Variants in NDE1 observed in about 807,000 individuals in gnomAD.
The protein encoded by NDE1 is nuclear distribution protein nudE homolog 1.
In NDE1, 28 loss-of-function variants were observed where a neutral mutation model predicts 43.4. The observed-to-expected ratio is 0.65, with a 90% CI of 0.48 to 0.89. The LOEUF is 0.89. NDE1 is among the 40% of genes least tolerant of loss of function. The pLI, the probability that NDE1 is intolerant of heterozygous loss-of-function variation, is 0.00. For missense variants in NDE1, 441 were observed against 434.1 expected, an observed-to-expected ratio of 1.02 and a Z score of -0.14; for synonymous variants, 184 against 172.0, an observed-to-expected ratio of 1.07 and a Z score of -0.55.
At position 15,677,651 on chromosome 16, in the gene NDE1, A is replaced by G. The variant is rs2037953909; in HGVS notation, c.238-150A>G. ...CAGGCTGGAGTGGAGTGTTACAGTC[A>G]TAGCTCACTGCAGCCTCTAACTCCT... is the stretch of plus-strand genomic sequence containing the variant. On this transcript the variant is annotated intron_variant, in intron 3 of 8. Coordinates refer to ENST00000396354, the MANE Select transcript of NDE1 (RefSeq NM_017668.3). The G allele has an allele frequency of 3.9e-6, 3 of 776,552 alleles. No homozygotes were observed. The African/African-American group carries it at 5.1e-5, about 13-fold the overall frequency. The allele number at this position is 776,552 out of a possible 1,614,324, so 48.1% of individuals were successfully genotyped here.
chr16:15,716,318 T>C (rs1229790243), intron 8 of NDE1, among the ~76,000 whole-genome samples: 1 of 152,158 alleles, frequency 6.6e-6, no homozygotes. Flanking sequence ...TGAATAGCCC[T>C]TGAATTATAC....
At chr16:15,712,809 TAGTGTCACCCATG>T (rs1250518104) in intron 8 of NDE1, 1 of 150,194 alleles carries the variant, frequency 6.7e-6, no homozygotes, top group Non-Finnish European at 1.5e-5. Context: ...CTCTGGCCAT[TAGTGTCACCCATG>T]GGAGGCTTCT....
chr16:15,710,186 G>A (rs2039699817), intron 8 of NDE1, among the ~76,000 whole-genome samples: 1 of 152,198 alleles, frequency 6.6e-6, no homozygotes. Context: ...AGGCTCAAGT[G>A]TCTGGGGCAG....
In NDE1 at chr16:15,724,444, G is replaced by A. The variant is rs745426392; in HGVS notation, c.*193G>A. 9 of 1,612,414 alleles carry A rather than the reference G, an allele frequency of 5.6e-6. No homozygotes were observed. The Admixed American group carries it at 6.7e-5, about 12-fold the overall frequency. Reference sequence around the variant, plus strand: ...CAGCGTCCAGGGTAGGGTGAGAGGGGGACCATGAGTGGCCCCTGTCCCTGG... The same window carrying A: ...CAGCGTCCAGGGTAGGGTGAGAGGGAGACCATGAGTGGCCCCTGTCCCTGG... On this transcript the variant is annotated 3_prime_UTR_variant, in exon 9 of 9. Coordinates refer to ENST00000396354, the MANE Select transcript of NDE1 (RefSeq NM_017668.3).
intron 8 of NDE1, chr16:15,721,702 C>T (rs968946577): frequency 1.7e-5 from 26 of 1,530,926 alleles, no homozygotes; most frequent in Middle Eastern, 3.4e-4. Flanking sequence ...TTGTAAATAC[C>T]GGGGGAAGCC....
upstream of NDE1, among the ~76,000 whole-genome samples, chr16:15,645,282 A>C (rs182214133): frequency 7.0e-4 from 106 of 152,260 alleles, no homozygotes; most frequent in Admixed American, 2.4e-3. Flanking sequence ...TGTTTGACTT[A>C]GCTTGGCATT....
intron 3 of NDE1, among the ~76,000 whole-genome samples, chr16:15,669,334 C>T (rs2037473075): frequency 2.0e-5 from 3 of 151,604 alleles, no homozygotes; most frequent in South Asian, 2.1e-4. Flanking sequence ...GCTGGGATTA[C>T]AGGCACCCTC....
chr16:15,666,541 C>T (rs538214089), intron 2 of NDE1, among the ~76,000 whole-genome samples: 2 of 151,984 alleles, frequency 1.3e-5, no homozygotes, highest in African/African-American at 2.4e-5. Context: ...CCTGGGAGGT[C>T]GAGGCTGCAG....
At position 15,675,444 on chromosome 16, in the gene NDE1, G is replaced by GT. The variant is rs1449215950; in HGVS notation, c.238-2349dup. Among the ~76,000 whole-genome samples the GT allele has an allele frequency of 1.0e-4, 14 of 140,334 alleles. No homozygotes were observed. The East Asian group carries it at 1.2e-3, about 12-fold the overall frequency. The allele number at this position is 140,334 out of a possible 152,430, so 92.1% of individuals were successfully genotyped here. On this transcript the variant is annotated intron_variant, in intron 3 of 8. Transcript: ENST00000396354. ...TTTGGGTTTTTTTTTTTTTTTGCTT[G>GT]TTTTTTTTAAGTGTCGTGGTCTCAC... is the stretch of plus-strand genomic sequence containing the variant.
intron 3 of NDE1, among the ~76,000 whole-genome samples, chr16:15,667,798 A>AT (rs1281063924): frequency 6.6e-6 from 1 of 150,874 alleles, no homozygotes; most frequent in Non-Finnish European, 1.5e-5. Context: ...CGCCTGGCTA[A>AT]TTTTTTTTGT....
intron 7 of NDE1, chr16:15,694,505 C>A: frequency 8.3e-7 from 1 of 1,199,998 alleles, no homozygotes; most frequent in Non-Finnish European, 1.1e-6. Flanking sequence ...GCCACTATGC[C>A]TGGCTGATAC....
At chr16:15,687,746 A>G (rs1215147240) in intron 5 of NDE1, among the ~76,000 whole-genome samples, 1 of 152,230 alleles carries the variant, frequency 6.6e-6, no homozygotes, top group Non-Finnish European at 1.5e-5. Flanking sequence ...GGGTATTTAG[A>G]GAAATAGCTT....
intron 4 of NDE1, among the ~76,000 whole-genome samples, chr16:15,681,107 ATTT>A (rs1373275655): frequency 2.8e-5 from 4 of 141,098 alleles, no homozygotes; most frequent in African/African-American, 1.1e-4. Context: ...TTTTTGCAAT[ATTT>A]TTTAATTGTT....
At position 15,720,967 on chromosome 16, in the gene NDE1, G is replaced by C. The variant is rs202231621; in HGVS notation, c.948-3224G>C. ...AGTTTGGCGTCCTCCGTGGCTTGCA[G>C]CTCGTCCTCCAGCTCTTCCAGCTGC... is the stretch of plus-strand genomic sequence containing the variant. On this transcript the variant is annotated intron_variant, in intron 8 of 8. Transcript: ENST00000396354. The C allele has an allele frequency of 1.9e-6, 3 of 1,614,062 alleles. No homozygotes were observed. The Middle Eastern group carries it at 5.0e-4, about 266-fold the overall frequency.
At chr16:15,699,970 G>T in intron 8 of NDE1, 1 of 1,205,876 alleles carries the variant, frequency 8.3e-7, no homozygotes, top group Admixed American at 3.2e-5. Flanking sequence ...GCCAATGACC[G>T]AGGCCATCAC....
Position 15,704,028 on chromosome 16 carries a change from C to T in NDE1, c.947+7168C>T, listed in dbSNP as rs745846240. On this transcript the variant is annotated intron_variant, in intron 8 of 8. Coordinates refer to ENST00000396354, the MANE Select transcript of NDE1 (RefSeq NM_017668.3). ...CTTGGTTCCATTGAAGTCTGCGTCT[C>T]GAGTGTCCGTTTCCTCCTCAGAACC... 15 of 1,613,928 alleles carry T rather than the reference C, an allele frequency of 9.3e-6. No individual in the cohort carries two copies. In the South Asian group the frequency reaches 9.9e-5, roughly 11 times the overall value.
intron 8 of NDE1, chr16:15,701,237 CAAA>C (rs34788809): frequency 2.3e-4 from 32 of 136,700 alleles, no homozygotes; most frequent in Non-Finnish European, 2.4e-4. Flanking sequence ...ACTCCGTCTC[CAAA>C]AAAAAAAAAA....
intron 4 of NDE1, chr16:15,684,215 A>G (rs2038320029): frequency 6.6e-6 from 1 of 151,948 alleles, no homozygotes; most frequent in East Asian, 1.9e-4. Context: ...TGGGCAACAG[A>G]GTGAGACTTC....
At chr16:15,671,385 C>CTG (rs2037584638) in intron 3 of NDE1, among the ~76,000 whole-genome samples, 1 of 152,070 alleles carries the variant, frequency 6.6e-6, no homozygotes, top group South Asian at 2.1e-4. Flanking sequence ...TAGTGCACAC[C>CTG]TGTAGTCTAA....
Sources: gnomAD v4.1 joint callset for allele counts (sites outside exome capture counted in the v4.1 genomes callset) on GRCh38, gnomAD v4.1.1 for gene constraint, MANE v1.5 for transcripts, NCBI Gene and HGNC (gene_info 2026-07-23, HGNC 2026-07-21) for gene names.